Variants in MAN2A1 observed in about 807,000 individuals in gnomAD.
MAN2A1 encodes alpha-mannosidase 2.
MAN2A1 carries 76 observed loss-of-function variants against 142.6 expected under a neutral mutation model. The ratio of observed to expected loss-of-function variants is 0.53; its 90% CI spans 0.44 to 0.65. The LOEUF (loss-of-function observed/expected upper bound fraction) is 0.65. MAN2A1 is among the 30% of genes least tolerant of loss of function. MAN2A1 has a pLI of 0.00. For missense variants in MAN2A1, 1,311 were observed against 1,365.1 expected (o/e 0.96, Z 0.62); for synonymous variants, 559 against 473.2 (o/e 1.18, Z -2.35).
At chr5:109,743,309 T>A (rs1196277306) in intron 4 of MAN2A1, among the ~76,000 whole-genome samples, 1 of 152,212 alleles carries the variant, frequency 6.6e-6, no homozygotes, top group African/African-American at 2.4e-5. Context: ...TTTGGACTAC[T>A]TCCAGATCTA....
intron 16 of MAN2A1, among the ~76,000 whole-genome samples, chr5:109,832,565 TC>T (rs1274368022): frequency 2.0e-5 from 3 of 152,200 alleles, no homozygotes; most frequent in Non-Finnish European, 4.4e-5. Flanking sequence ...GTCTCCCATG[TC>T]TACTTCTTTC....
rs181531906 is a variant in MAN2A1, at chr5:109,744,829, T to C, written c.708-10500T>C. ...TACAGACATTTTCATACAGGCTTTT[T>C]CCTAGTAACTTCAAACTGCAAGCAG... On this transcript the variant is annotated intron_variant, in intron 4 of 21. Transcript: ENST00000261483. Among the ~76,000 whole-genome samples the C allele has an allele frequency of 3.6e-3, 544 of 152,242 alleles. 7 individuals are homozygous for C. The highest frequency in any genetic ancestry group is 3.4e-3 in the Non-Finnish European group (229 of 68,000).
rs146378894 is a variant in MAN2A1, at chr5:109,850,292, C to G, written c.2976+2502C>G. Among the ~76,000 whole-genome samples, 371 of 152,228 alleles carry G rather than the reference C, an allele frequency of 2.4e-3. 1 individual carries two copies. In the East Asian group the frequency reaches 0.025, roughly 10 times the overall value. On this transcript the variant is annotated intron_variant, in intron 19 of 21. Transcript: ENST00000261483. ...GCCACTGTATTTATTGCAATTTCTG[C>G]CTATTACCTTGTCTTCATATGCATG...
At chr5:109,777,290 GTTTTAT>G (rs1276491474) in intron 8 of MAN2A1, among the ~76,000 whole-genome samples, 1 of 151,946 alleles carries the variant, frequency 6.6e-6, no homozygotes, top group Non-Finnish European at 1.5e-5. Context: ...AGATGGGATG[GTTTTAT>G]TTTTTATTTC....
At chr5:109,749,892 G>A (rs949030770) in intron 4 of MAN2A1, among the ~76,000 whole-genome samples, 5 of 151,840 alleles carry the variant, frequency 3.3e-5, no homozygotes, top group African/African-American at 4.8e-5. Flanking sequence ...TTATAGATAC[G>A]GGTATTTCTC....
rs189249282 is a variant in MAN2A1, at chr5:109,847,413, T to C, written c.2843-244T>C. 1.2e-4 allele frequency among the ~76,000 whole-genome samples: 18 copies of C among 152,336 alleles called. No individual in the cohort carries two copies. The East Asian group carries it at 3.3e-3, about 28-fold the overall frequency. Reference sequence around the variant, plus strand: ...TCCTGTCTCACTTTTAAATTTCTTATCAGATATTGTGAAACATTACTAAAG... The same window carrying C: ...TCCTGTCTCACTTTTAAATTTCTTACCAGATATTGTGAAACATTACTAAAG... On this transcript the variant is annotated intron_variant, in intron 18 of 21. Transcript: ENST00000261483.
At chr5:109,746,438 T>C (rs1038038136) in intron 4 of MAN2A1, among the ~76,000 whole-genome samples, 11 of 152,210 alleles carry the variant, frequency 7.2e-5, no homozygotes, top group Admixed American at 1.3e-4. Flanking sequence ...GTCATTTTGC[T>C]CTTTTCACAG....
Position 109,838,427 on chromosome 5 carries a change from T to TA in MAN2A1, c.2567-3893dup, listed in dbSNP as rs532471902. Among the ~76,000 whole-genome samples the TA allele has an allele frequency of 9.9e-4, 150 of 152,042 alleles. 1 individual carries two copies. The highest frequency in any genetic ancestry group is 6.8e-3 in the Middle Eastern group (2 of 294). ...TCATGCCCAGGTGGAGCCACTTTAG[T>TA]AAAAAAAATAGCATTTTTGCTGCCA... On this transcript the variant is annotated intron_variant, in intron 16 of 21. Coordinates refer to ENST00000261483, the MANE Select transcript of MAN2A1 (RefSeq NM_002372.4).
chr5:109,736,217 A>G (rs1026996816), intron 4 of MAN2A1, among the ~76,000 whole-genome samples: 14 of 152,184 alleles, frequency 9.2e-5, no homozygotes, highest in Non-Finnish European at 2.1e-4. Context: ...ACACACTCAC[A>G]CAGTGCTAAA....
At chr5:109,714,132 A>G (rs2112562911) in intron 2 of MAN2A1, among the ~76,000 whole-genome samples, 1 of 151,374 alleles carries the variant, frequency 6.6e-6, no homozygotes, top group South Asian at 2.1e-4. Context: ...TGTTCTTATT[A>G]TATATCAGTT....
intron 1 of MAN2A1, 99 bp downstream of exon 1, chr5:109,690,651 A>ACAC: frequency 7.3e-7 from 1 of 1,364,364 alleles, no homozygotes; most frequent in Non-Finnish European, 1.0e-6. Flanking sequence ...CCGCGGCCCC[A>ACAC]CACCCGTGCT....
chr5:109,739,191 A>C (rs1183978414), intron 4 of MAN2A1, among the ~76,000 whole-genome samples: 1 of 151,948 alleles, frequency 6.6e-6, no homozygotes, highest in African/African-American at 2.4e-5. Context: ...TTCTCTCTTA[A>C]AGCTTTCTTA....
intron 13 of MAN2A1, 42 bp from the exon 14 acceptor site, chr5:109,819,627 T>C: frequency 8.2e-7 from 1 of 1,218,400 alleles, no homozygotes; most frequent in Non-Finnish European, 1.1e-6. Context: ...TCTCAGTAGA[T>C]AACATTTATC....
intron 12 of MAN2A1, among the ~76,000 whole-genome samples, chr5:109,790,262 CAAT>C (rs1419291264): frequency 6.6e-6 from 1 of 151,438 alleles, no homozygotes; most frequent in Non-Finnish European, 1.5e-5. Context: ...TAGGATAAAA[CAAT>C]AATTTCAAAG....
At chr5:109,693,935 A>T (rs1750742490) in intron 1 of MAN2A1, among the ~76,000 whole-genome samples, 2 of 152,234 alleles carry the variant, frequency 1.3e-5, no homozygotes, top group Admixed American at 1.3e-4. Context: ...AAAATGCTTT[A>T]TGATAACTTG....
chr5:109,802,161 T>C (rs1446649425), intron 12 of MAN2A1, among the ~76,000 whole-genome samples: 1 of 152,196 alleles, frequency 6.6e-6, no homozygotes, highest in Non-Finnish European at 1.5e-5. Flanking sequence ...GTCTCTTTTC[T>C]AAGTGACCTG....
At chr5:109,732,898 A>G (rs1463997663) in intron 4 of MAN2A1, among the ~76,000 whole-genome samples, 4 of 151,802 alleles carry the variant, frequency 2.6e-5, no homozygotes, top group Non-Finnish European at 5.9e-5. Context: ...AATTCTGTGA[A>G]GAAAATCATT....
At chr5:109,857,327 G>T (rs781314092) in intron 20 of MAN2A1, among the ~76,000 whole-genome samples, 103 of 152,130 alleles carry the variant, frequency 6.8e-4, no homozygotes, top group Admixed American at 2.0e-3. Context: ...GTGGTTTTTT[G>T]TAGGTCTACA....
intron 4 of MAN2A1, among the ~76,000 whole-genome samples, chr5:109,752,136 A>G (rs1156560153): frequency 3.3e-5 from 5 of 152,082 alleles, no homozygotes; most frequent in South Asian, 2.1e-4. Context: ...CTTTTCATCT[A>G]TCTTCAGTCA....
Sources: allele counts gnomAD v4.1 joint callset (sites outside exome capture counted in the v4.1 genomes callset), GRCh38; gene constraint gnomAD v4.1.1; transcripts MANE v1.5; gene names NCBI Gene and HGNC (gene_info 2026-07-23, HGNC 2026-07-21).